KLF12: variants seen among roughly 807,000 people sequenced by gnomAD.
KLF12 encodes KLF transcription factor 12, also known as Krueppel-like factor 12.
A neutral mutation model predicts 37.8 loss-of-function variants in KLF12; 9 were observed. The observed-to-expected ratio is 0.24, with a 90% confidence interval of 0.14 to 0.42. KLF12 has a LOEUF of 0.42. Ranked by LOEUF, KLF12 falls within the 10% of genes least tolerant of loss-of-function variation. KLF12 has a pLI of 1.00. For missense variants in KLF12, 411 were observed against 516.0 expected (o/e 0.80, Z 1.97); for synonymous variants, 208 against 202.1 (o/e 1.03, Z -0.25).
chr13:73,846,145 A>G lies in KLF12; in HGVS notation c.352T>C (p.Ser118Pro), dbSNP rs1885004886. Residue 118 changes from serine to proline, a missense_variant, in exon 4 of 8, where the codon TCG becomes CCG. Around this residue, in one of 2 missense-constraint regions of KLF12, gnomAD observed 351 missense variants for 397.8 expected, o/e 0.88. Transcript: ENST00000377669. Reference sequence around the variant, plus strand: ...GATGAGGCTAGACGACTAGAAGACGATGAAGAGGTTGAAGTTGAAGAAGGT... The same window carrying G: ...GATGAGGCTAGACGACTAGAAGACGGTGAAGAGGTTGAAGTTGAAGAAGGT... The G allele has an allele frequency of 6.2e-7, 1 of 1,614,130 alleles. No homozygotes were observed. The highest frequency in any genetic ancestry group is 1.3e-5 in the African/African-American group (1 of 75,062).
At chr13:73,791,055 A>T (rs1881655528) in intron 5 of KLF12, among the ~76,000 whole-genome samples, 1 of 152,256 alleles carries the variant, frequency 6.6e-6, no homozygotes, top group Non-Finnish European at 1.5e-5. Flanking sequence ...TTCACCAGAA[A>T]TAAATTTTAA....
the KLF12 span, among the ~76,000 whole-genome samples, chr13:74,222,080 G>T: frequency 6.6e-6 from 1 of 152,182 alleles, no homozygotes; most frequent in East Asian, 1.9e-4. Context: ...GTCTACGTAG[G>T]TATTTCAGTT....
At chr13:74,242,843 G>A in the KLF12 span, among the ~76,000 whole-genome samples, 1 of 152,168 alleles carries the variant, frequency 6.6e-6, no homozygotes, top group African/African-American at 2.4e-5. Context: ...GGCTATCAGA[G>A]CCACGTGTAC....
At chr13:73,860,014 G>A (rs146087562) in intron 3 of KLF12, among the ~76,000 whole-genome samples, 214 of 152,112 alleles carry the variant, frequency 1.4e-3, no homozygotes, top group African/African-American at 4.5e-3. Context: ...GTAATAAAGC[G>A]GAACTTTTGC....
the KLF12 span, among the ~76,000 whole-genome samples, chr13:74,179,074 G>A: frequency 6.6e-6 from 1 of 152,180 alleles, no homozygotes; most frequent in South Asian, 2.1e-4. Context: ...CTAGGCCTTT[G>A]GTCTTTCCTT....
At chr13:74,188,272 CCAGA>C in the KLF12 span, among the ~76,000 whole-genome samples, 1 of 151,952 alleles carries the variant, frequency 6.6e-6, no homozygotes, top group African/African-American at 2.4e-5. Context: ...CCTACTATAC[CCAGA>C]CACTGTTCTA....
At chr13:74,071,068 C>T (rs1475904762) in intron 1 of KLF12, among the ~76,000 whole-genome samples, 1 of 152,094 alleles carries the variant, frequency 6.6e-6, no homozygotes, top group Non-Finnish European at 1.5e-5. Context: ...TAATGTTAAC[C>T]ACCACACCCT....
chr13:74,155,724 C>T, the KLF12 span, among the ~76,000 whole-genome samples: 1 of 152,186 alleles, frequency 6.6e-6, no homozygotes, highest in Non-Finnish European at 1.5e-5. Flanking sequence ...AACTTAGTTC[C>T]TTATAGCTTA....
the KLF12 span, among the ~76,000 whole-genome samples, chr13:74,207,384 G>C: frequency 6.6e-6 from 1 of 152,136 alleles, no homozygotes; most frequent in Non-Finnish European, 1.5e-5. Context: ...GGAATAAAAA[G>C]TTTCAGGTCA....
intron 5 of KLF12, among the ~76,000 whole-genome samples, chr13:73,766,429 G>A (rs1218695842): frequency 2.6e-5 from 4 of 152,154 alleles, no homozygotes; most frequent in African/African-American, 9.7e-5. Flanking sequence ...AAAATTATAC[G>A]AAAGGCAGCA....
intron 6 of KLF12, among the ~76,000 whole-genome samples, chr13:73,725,677 A>T (rs1326261261): frequency 6.6e-6 from 1 of 151,774 alleles, no homozygotes; most frequent in Non-Finnish European, 1.5e-5. Flanking sequence ...TTGGTCAAAT[A>T]TCACTATTCC....
chr13:74,217,887 A>G, the KLF12 span, among the ~76,000 whole-genome samples: 1 of 152,258 alleles, frequency 6.6e-6, no homozygotes, highest in African/African-American at 2.4e-5. Context: ...ATAGTACATC[A>G]CTTACAATGA....
At chr13:73,788,180 A>T (rs1881468557) in intron 5 of KLF12, among the ~76,000 whole-genome samples, 1 of 152,106 alleles carries the variant, frequency 6.6e-6, no homozygotes, top group East Asian at 1.9e-4. Flanking sequence ...GGGTTTTGTT[A>T]TATATTTTCC....
intron 1 of KLF12, among the ~76,000 whole-genome samples, chr13:74,060,419 T>C (rs1462324898): frequency 6.6e-6 from 1 of 152,062 alleles, no homozygotes; most frequent in Non-Finnish European, 1.5e-5. Context: ...CTTTCATTAG[T>C]GTTTTGTAGA....
intron 1 of KLF12, among the ~76,000 whole-genome samples, chr13:74,042,086 T>C (rs888698505): frequency 1.3e-5 from 2 of 151,962 alleles, no homozygotes; most frequent in African/African-American, 4.8e-5. Flanking sequence ...GGTGGATCAC[T>C]TTAGGTGAGG....
At chr13:74,257,548 C>G in the KLF12 span, 2 of 152,158 alleles carry the variant, frequency 1.3e-5, no homozygotes, top group Admixed American at 1.3e-4. Flanking sequence ...GTTCATCCCC[C>G]TCTCCCGTGG....
At chr13:74,001,933 A>T (rs890962873) in intron 1 of KLF12, among the ~76,000 whole-genome samples, 13 of 152,230 alleles carry the variant, frequency 8.5e-5, no homozygotes, top group African/African-American at 2.9e-4. Context: ...CTTTATGTTC[A>T]ATCTCTTTGC....
At chr13:73,999,447 G>A (rs1199842951) in intron 1 of KLF12, among the ~76,000 whole-genome samples, 1 of 151,980 alleles carries the variant, frequency 6.6e-6, no homozygotes, top group Non-Finnish European at 1.5e-5. Flanking sequence ...AAAAACCCAG[G>A]CATAGGCCGG....
At chr13:74,191,313 T>A in the KLF12 span, among the ~76,000 whole-genome samples, 1 of 152,210 alleles carries the variant, frequency 6.6e-6, no homozygotes, top group South Asian at 2.1e-4. Flanking sequence ...GTTTCTTTAT[T>A]GTTGCCTTAT....
Sources: gnomAD v4.1 joint callset for allele counts (sites outside exome capture counted in the v4.1 genomes callset) on GRCh38, gnomAD v4.1.1 for gene constraint, gnomAD v4.1.1 regional missense constraint, MANE v1.5 for transcripts, NCBI Gene and HGNC (gene_info 2026-07-23, HGNC 2026-07-21) for gene names.